The following GPAT3 variants were observed in gnomAD, a reference collection of about 807,000 sequenced individuals.
GPAT3 encodes the protein glycerol-3-phosphate acyltransferase 3, also known as 1-AGP acyltransferase 9.
Under a neutral mutation model 58.8 loss-of-function variants are expected in GPAT3, and 53 were observed. The observed-to-expected ratio is 0.90, with a 90% CI of 0.72 to 1.13. The LOEUF (loss-of-function observed/expected upper bound fraction) is 1.13, where lower values mean the gene tolerates loss of function less well. GPAT3 is among the 50% of genes most tolerant of loss of function. The pLI is 0.00. For missense variants in GPAT3, 511 were observed against 527.6 expected (o/e 0.97, Z 0.31); for synonymous variants, 197 against 187.4 (o/e 1.05, Z -0.42).
At chr4:83,561,234 G>C (rs578017) in intron 2 of GPAT3, among the ~76,000 whole-genome samples, 96,286 of 152,090 alleles carry the variant, frequency 0.63, 31,594 homozygotes, top group African/African-American at 0.81. Flanking sequence ...CAGAGGCCAT[G>C]ATTTTAATAA....
In GPAT3 at chr4:83,553,554, G is replaced by C. The variant is rs2110077513; in HGVS notation, c.208+8952G>C. Among the ~76,000 whole-genome samples, 2 of 152,280 alleles carry C rather than the reference G, an allele frequency of 1.3e-5. 1 individual carries two copies. The highest frequency in any genetic ancestry group is 4.1e-4 in the South Asian group (2 of 4,826). ...CTCAGCAGCTTGGAAGAGGGTACCT[G>C]CATCTCAGAGTTGTGGAGGTTTGAA... is the stretch of plus-strand genomic sequence containing the variant. On this transcript the variant is annotated intron_variant, in intron 2 of 11. Coordinates refer to ENST00000264409, the MANE Select transcript of GPAT3 (RefSeq NM_032717.5).
At chr4:83,550,773 T>C (rs1050397399) in intron 2 of GPAT3, among the ~76,000 whole-genome samples, 7 of 152,208 alleles carry the variant, frequency 4.6e-5, no homozygotes, top group Non-Finnish European at 7.3e-5. Context: ...TTTTTTAATT[T>C]TTTGCAGTGC....
In GPAT3 at chr4:83,560,356, A is replaced by G. The variant is rs1255570462; in HGVS notation, c.208+15754A>G. ...CTGGGGTGGGTGGACCTTGCCTCTG[A>G]GCTTCTCTGGTGTGGTGCCCAGGCA... On this transcript the variant is annotated intron_variant, in intron 2 of 11. Transcript: ENST00000264409. Among the ~76,000 whole-genome samples, 3 of 151,992 alleles carry G rather than the reference A, an allele frequency of 2.0e-5. No homozygotes were observed. The East Asian group carries it at 5.8e-4, about 29-fold the overall frequency.
chr4:83,536,692 T>C lies in GPAT3; in HGVS notation c.70T>C (p.Leu24=). The C allele has an allele frequency of 6.2e-7, 1 of 1,613,678 alleles. No homozygotes were observed. Among genetic ancestry groups the C allele is most frequent in the Non-Finnish European group, 8.5e-7 (1 of 1,179,948 alleles). Residue 24 remains leucine, a synonymous_variant, in exon 1 of 12, where the codon TTA becomes CTA. Transcript: ENST00000264409. ...WLTLVLGFIL[L]PSVFGVSLGI... is the part of the protein sequence containing the mutation. ...GACGCTGGTTCTCGGCTTCATCCTT[T>C]TACCTTCGGTCTTCGGAGTGTCTCT...
chr4:83,591,925 T>G (rs1726616140), intron 6 of GPAT3, among the ~76,000 whole-genome samples: 2 of 152,180 alleles, frequency 1.3e-5, no homozygotes, highest in African/African-American at 4.8e-5. Flanking sequence ...GTCCATGGTC[T>G]TCTTGCTGAG....
At chr4:83,559,148 A>G (rs779773222) in intron 2 of GPAT3, among the ~76,000 whole-genome samples, 1 of 152,234 alleles carries the variant, frequency 6.6e-6, no homozygotes, top group African/African-American at 2.4e-5. Flanking sequence ...GGTATAAGTT[A>G]TATAACAAAG....
chr4:83,565,142 C>A (rs371870237), intron 2 of GPAT3, among the ~76,000 whole-genome samples: 6 of 151,532 alleles, frequency 4.0e-5, no homozygotes, highest in Admixed American at 2.0e-4. Context: ...GCTGTGTTGC[C>A]CAGGCTGGAG....
intron 2 of GPAT3, among the ~76,000 whole-genome samples, chr4:83,556,598 T>C (rs1222024505): frequency 6.6e-6 from 1 of 151,932 alleles, no homozygotes; most frequent in African/African-American, 2.4e-5. Context: ...TTGATTAGTG[T>C]CCTCAGCTCC....
At chr4:83,592,407 C>G (rs1391965795) in intron 6 of GPAT3, among the ~76,000 whole-genome samples, 1 of 152,170 alleles carries the variant, frequency 6.6e-6, no homozygotes, top group African/African-American at 2.4e-5. Context: ...CCTCTTTTGA[C>G]TAAACATAAA....
chr4:83,561,806 TAAA>T (rs749084360), intron 2 of GPAT3, among the ~76,000 whole-genome samples: 2 of 133,172 alleles, frequency 1.5e-5, no homozygotes, highest in Non-Finnish European at 1.6e-5. Flanking sequence ...CCTTTTTTGG[TAAA>T]AAAAAAAAAA....
chr4:83,550,154 A>G (rs926265659), intron 2 of GPAT3, among the ~76,000 whole-genome samples: 6 of 151,666 alleles, frequency 4.0e-5, no homozygotes, highest in Non-Finnish European at 8.8e-5. Flanking sequence ...GTGAGCCACC[A>G]TGCCCAGCTG....
At chr4:83,587,436 A>ATTT (rs967115878) in intron 4 of GPAT3, 107 bp downstream of exon 4, 6 of 1,063,976 alleles carry the variant, frequency 5.6e-6, no homozygotes, top group African/African-American at 4.8e-5. Context: ...TATTATTATT[A>ATTT]TTATTTTTGA....
chr4:83,569,057 A>G (rs1342417781), intron 2 of GPAT3, among the ~76,000 whole-genome samples: 1 of 152,214 alleles, frequency 6.6e-6, no homozygotes, highest in Non-Finnish European at 1.5e-5. Flanking sequence ...TCTCATCTTA[A>G]GTATTTCTCC....
At chr4:83,565,781 C>T (rs1350074887) in intron 2 of GPAT3, among the ~76,000 whole-genome samples, 2 of 152,312 alleles carry the variant, frequency 1.3e-5, no homozygotes, top group East Asian at 1.9e-4. Context: ...GGGACCGGAG[C>T]GTCGGAGGCT....
At chr4:83,571,943 T>G (rs1459410918) in intron 2 of GPAT3, among the ~76,000 whole-genome samples, 1 of 152,036 alleles carries the variant, frequency 6.6e-6, no homozygotes, top group Non-Finnish European at 1.5e-5. Flanking sequence ...GACTAATTTT[T>G]GTGTTTTTTG....
Position 83,565,724 on chromosome 4 carries a change from A to G in GPAT3, c.209-15838A>G, listed in dbSNP as rs56023736. Among the ~76,000 whole-genome samples the G allele has an allele frequency of 7.5e-4, 114 of 152,320 alleles. 1 individual carries two copies. The highest frequency in any genetic ancestry group is 1.3e-3 in the Non-Finnish European group (90 of 68,026). ...TGGGTACCCCGAGTCCGGCGGAGAC[A>G]AAGGAATTAGAAAGAGACAAAATAA... On this transcript the variant is annotated intron_variant, in intron 2 of 11. Coordinates refer to ENST00000264409, the MANE Select transcript of GPAT3 (RefSeq NM_032717.5).
chr4:83,547,468 G>T (rs377580105), intron 2 of GPAT3, among the ~76,000 whole-genome samples: 1 of 151,396 alleles, frequency 6.6e-6, no homozygotes, highest in Non-Finnish European at 1.5e-5. Context: ...TAGCCAGGAT[G>T]GTCTCGATCT....
At chr4:83,550,134 G>C (rs1724700378) in intron 2 of GPAT3, among the ~76,000 whole-genome samples, 1 of 151,964 alleles carries the variant, frequency 6.6e-6, no homozygotes, top group East Asian at 1.9e-4. Context: ...TAGGTGCTAG[G>C]ATTGCAGGTG....
chr4:83,551,481 T>C (rs1282387056), intron 2 of GPAT3, among the ~76,000 whole-genome samples: 6 of 130,890 alleles, frequency 4.6e-5, no homozygotes, highest in Admixed American at 1.5e-4. Context: ...TTTAACTGTA[T>C]TTATAATTTT....
Sources: gnomAD v4.1 joint callset for allele counts (sites outside exome capture counted in the v4.1 genomes callset) on GRCh38, gnomAD v4.1.1 for gene constraint, MANE v1.5 for transcripts, NCBI Gene and HGNC (gene_info 2026-07-23, HGNC 2026-07-21) for gene names.